The following RAB31 variants were observed in gnomAD, a reference collection of about 807,000 sequenced individuals.
The protein encoded by RAB31 is ras-related protein Rab-31.
RAB31 carries 21 observed loss-of-function variants against 25.6 expected under a neutral mutation model. That is an observed-to-expected ratio of 0.82 (90% CI 0.58 to 1.18). The LOEUF is 1.18. RAB31 is among the 50% of genes most tolerant of loss of function. RAB31 has a pLI of 0.00. For synonymous variants in RAB31, 87 were observed against 84.0 expected, an observed-to-expected ratio of 1.04 and a Z score of -0.20; for missense variants, 196 against 250.1, an observed-to-expected ratio of 0.78 and a Z score of 1.46.
At chr18:9,852,787 CT>C (rs1296956815) in intron 6 of RAB31, among the ~76,000 whole-genome samples, 2 of 152,264 alleles carry the variant, frequency 1.3e-5, no homozygotes, top group South Asian at 2.1e-4. Flanking sequence ...GTGTTTTTAA[CT>C]TTCTAAGATT....
chr18:9,725,115 T>C (rs1282522481), intron 1 of RAB31, among the ~76,000 whole-genome samples: 1 of 152,126 alleles, frequency 6.6e-6, no homozygotes, highest in African/African-American at 2.4e-5. Flanking sequence ...TGGTGGCTGG[T>C]TGAGTTCACA....
chr18:9,852,926 G>A (rs188316946), intron 6 of RAB31, among the ~76,000 whole-genome samples: 17 of 152,244 alleles, frequency 1.1e-4, no homozygotes, highest in African/African-American at 2.2e-4. Context: ...TTAACCATTC[G>A]AAAGGAAGTA....
intron 2 of RAB31, among the ~76,000 whole-genome samples, chr18:9,781,107 T>C (rs1156514899): frequency 6.6e-6 from 1 of 152,230 alleles, no homozygotes; most frequent in Non-Finnish European, 1.5e-5. Flanking sequence ...CAATGGATAT[T>C]ACCAAATTGT....
At chr18:9,814,364 T>C (rs987007983) in intron 4 of RAB31, among the ~76,000 whole-genome samples, 2 of 152,264 alleles carry the variant, frequency 1.3e-5, no homozygotes, top group Non-Finnish European at 2.9e-5. Context: ...AAATCATTTT[T>C]AATTTCTGCA....
chr18:9,750,227 T>C (rs1241207135), intron 1 of RAB31, among the ~76,000 whole-genome samples: 3 of 152,062 alleles, frequency 2.0e-5, no homozygotes, highest in Non-Finnish European at 4.4e-5. Flanking sequence ...TTTGCGGGAG[T>C]GTAAACAACT....
chr18:9,794,859 C>T (rs1214933714), intron 3 of RAB31, among the ~76,000 whole-genome samples: 4 of 151,790 alleles, frequency 2.6e-5, no homozygotes, highest in South Asian at 2.1e-4. Flanking sequence ...AAAGCAACTA[C>T]CATCATTCTT....
chr18:9,813,694 A>T (rs2068586458), intron 3 of RAB31, among the ~76,000 whole-genome samples: 1 of 152,112 alleles, frequency 6.6e-6, no homozygotes, highest in Admixed American at 6.5e-5. Context: ...TCTAATAAAA[A>T]TGCAAAAATG....
intron 1 of RAB31, among the ~76,000 whole-genome samples, chr18:9,709,282 C>G (rs2068003917): frequency 6.6e-6 from 1 of 152,194 alleles, no homozygotes; most frequent in Admixed American, 6.5e-5. Flanking sequence ...TTCAGATAAA[C>G]GTAGGGTCGC....
At chr18:9,714,446 C>T (rs554794017) in intron 1 of RAB31, among the ~76,000 whole-genome samples, 3 of 152,356 alleles carry the variant, frequency 2.0e-5, no homozygotes, top group South Asian at 4.1e-4. Context: ...GTAATGCTCA[C>T]TCACTGTTCA....
intron 1 of RAB31, chr18:9,734,945 G>T: frequency 3.2e-6 from 1 of 315,216 alleles, no homozygotes; most frequent in African/African-American, 2.2e-5. Context: ...CTTTATAGTA[G>T]CCCAGTTGCA....
At chr18:9,773,957 A>C (rs1239564833) in intron 1 of RAB31, among the ~76,000 whole-genome samples, 1 of 152,146 alleles carries the variant, frequency 6.6e-6, no homozygotes, top group Non-Finnish European at 1.5e-5. Flanking sequence ...CACTACACCT[A>C]GCCATATTTT....
chr18:9,839,490 CG>C (rs1033846731), intron 5 of RAB31, among the ~76,000 whole-genome samples: 4 of 152,106 alleles, frequency 2.6e-5, no homozygotes, highest in African/African-American at 9.7e-5. Flanking sequence ...AAGGCAATTG[CG>C]GGTGTCCCTG....
chr18:9,848,526 T>C (rs993297906), intron 6 of RAB31, among the ~76,000 whole-genome samples: 1 of 152,260 alleles, frequency 6.6e-6, no homozygotes, highest in African/African-American at 2.4e-5. Context: ...TGTAGCCTAA[T>C]TGCAGGTTAA....
Position 9,739,544 on chromosome 18 carries a change from TAAA to T in RAB31, c.39+31113_39+31115del, listed in dbSNP as rs35363534. ...TACTGCTTAGGAAGATGTAATGTGC[TAAA>T]AAAAAAAAAAAAGTAAACAAACTAT... On this transcript the variant is annotated intron_variant, in intron 1 of 6. Transcript: ENST00000578921. 5.3e-3 allele frequency among the ~76,000 whole-genome samples: 789 copies of T among 148,188 alleles called. 5 individuals carry two copies. The highest frequency in any genetic ancestry group is 0.012 in the African/African-American group (477 of 40,586).
At chr18:9,810,780 A>T (rs1338476794) in intron 3 of RAB31, among the ~76,000 whole-genome samples, 2 of 152,204 alleles carry the variant, frequency 1.3e-5, no homozygotes, top group Admixed American at 6.5e-5. Context: ...GTCCATGAAT[A>T]TCTTTACTTT....
chr18:9,737,675 G>A (rs1368224888), intron 1 of RAB31, among the ~76,000 whole-genome samples: 6 of 152,198 alleles, frequency 3.9e-5, no homozygotes, highest in African/African-American at 1.4e-4. Flanking sequence ...AGGTGTCACA[G>A]TGAATCAATC....
At chr18:9,781,865 A>C (rs2068406470) in intron 2 of RAB31, among the ~76,000 whole-genome samples, 1 of 152,232 alleles carries the variant, frequency 6.6e-6, no homozygotes, top group Non-Finnish European at 1.5e-5. Flanking sequence ...AAAACGTTTG[A>C]GTGCTTTCCC....
intron 3 of RAB31, 139 bp from the exon 4 acceptor site, chr18:9,813,881 T>C (rs965337332): frequency 6.9e-5 from 33 of 479,024 alleles, no homozygotes; most frequent in Admixed American, 2.5e-4. Context: ...AAATAAATAA[T>C]ATGAACCATG....
Position 9,729,939 on chromosome 18 carries a change from CATGGTGTTGA to C in RAB31, c.39+21499_39+21508del, listed in dbSNP as rs1337257634. Among the ~76,000 whole-genome samples, 5 of 152,162 alleles carry C rather than the reference CATGGTGTTGA, an allele frequency of 3.3e-5. No homozygotes were observed. The East Asian group carries it at 7.8e-4, about 24-fold the overall frequency. On this transcript the variant is annotated intron_variant, in intron 1 of 6. Transcript: ENST00000578921. ...GCATTCTGTTGCATAAAAAGAATAA[CATGGTGTTGA>C]ATGACAGATCTAAAGATGGACATTT...
Sources: gnomAD v4.1 joint callset for allele counts (sites outside exome capture counted in the v4.1 genomes callset) on GRCh38, gnomAD v4.1.1 for gene constraint, MANE v1.5 for transcripts, NCBI Gene and HGNC (gene_info 2026-07-23, HGNC 2026-07-21) for gene names.